C9orf85: variants seen among roughly 807,000 people sequenced by gnomAD.
The protein encoded by C9orf85 is uncharacterized protein C9orf85.
C9orf85 carries 16 observed loss-of-function variants against 14.9 expected under a neutral mutation model. The observed-to-expected ratio is 1.08, with a 90% CI of 0.73 to 1.63. C9orf85 has a LOEUF of 1.63. Among genes scored for constraint, C9orf85 ranks in the 40% most tolerant of loss-of-function variants. C9orf85 has a pLI of 0.00. For missense variants in C9orf85, 172 were observed against 186.1 expected (o/e 0.92, Z 0.44); for synonymous variants, 45 against 56.8 (o/e 0.79, Z 0.93).
intron 2 of C9orf85, among the ~76,000 whole-genome samples, chr9:71,947,380 G>A (rs1370621856): frequency 6.6e-6 from 1 of 152,014 alleles, no homozygotes; most frequent in Non-Finnish European, 1.5e-5. Context: ...GGTGGGTTAG[G>A]GCTGAGAAGA....
At chr9:71,955,192 G>T (rs2132325339) in intron 2 of C9orf85, among the ~76,000 whole-genome samples, 1 of 152,166 alleles carries the variant, frequency 6.6e-6, no homozygotes, top group Middle Eastern at 3.4e-3. Flanking sequence ...TTGTATTATT[G>T]TATGTGTCTA....
chr9:71,959,955 T>C (rs1009898960), intron 2 of C9orf85, among the ~76,000 whole-genome samples: 7 of 152,230 alleles, frequency 4.6e-5, no homozygotes, highest in African/African-American at 1.7e-4. Context: ...AGACACTGTG[T>C]TGTATGTCAA....
intron 2 of C9orf85, among the ~76,000 whole-genome samples, chr9:71,962,956 T>G (rs1822560884): frequency 6.6e-6 from 1 of 152,006 alleles, no homozygotes; most frequent in African/African-American, 2.4e-5. Flanking sequence ...CTCGGGAGGC[T>G]GAGGCACGAT....
chr9:71,911,766 C>T lies in C9orf85; in HGVS notation c.32C>T (p.Ser11Phe), dbSNP rs767438531. 1.9e-6 allele frequency: 3 copies of T among 1,614,106 alleles called. No individual in the cohort carries two copies. The highest frequency in any genetic ancestry group is 2.2e-5 in the East Asian group (1 of 44,882). MSSQKGNVARSRPQKHQNTFS... is the reference protein window; with the variant it reads MSSQKGNVARFRPQKHQNTFS... The stretch of plus-strand genomic sequence containing the variant: ...TCCCAGAAAGGCAACGTGGCTCGTT[C>T]CAGACCTCAGAAGCACCAGAATACG... The change falls in exon 1 of 4, where the codon TCC (serine) becomes TTC (phenylalanine). Residue 11 changes from serine to phenylalanine, a missense_variant. By Grantham distance (155) the Ser-to-Phe change is radical. Coordinates refer to ENST00000334731, the MANE Select transcript of C9orf85 (RefSeq NM_182505.5).
chr9:71,955,925 T>C (rs541109073), intron 2 of C9orf85, among the ~76,000 whole-genome samples: 94 of 152,318 alleles, frequency 6.2e-4, no homozygotes, highest in African/African-American at 2.3e-3. Flanking sequence ...AATGGCTAAT[T>C]TTTATAGTCC....
At chr9:71,974,224 G>A (rs1240915233), downstream of C9orf85, among the ~76,000 whole-genome samples, 1 of 146,032 alleles carries the variant, frequency 6.8e-6, no homozygotes, top group Non-Finnish European at 1.5e-5. Context: ...ACCATGCCAG[G>A]CCATATTTTT....
chr9:71,957,135 A>C (rs1822400343), intron 2 of C9orf85, among the ~76,000 whole-genome samples: 1 of 152,218 alleles, frequency 6.6e-6, no homozygotes, highest in South Asian at 2.1e-4. Flanking sequence ...CTATAGTTTT[A>C]TGTTTACCAC....
At chr9:71,922,284 T>A (rs896893710) in intron 1 of C9orf85, among the ~76,000 whole-genome samples, 15 of 152,108 alleles carry the variant, frequency 9.9e-5, no homozygotes, top group African/African-American at 2.9e-4. Context: ...TCATTATTAC[T>A]TTTCCCTATT....
chr9:71,985,136 G>C (rs970914807), downstream of C9orf85: 1 of 152,234 alleles, frequency 6.6e-6, no homozygotes, highest in African/African-American at 2.4e-5. Context: ...TTATGGAAAA[G>C]AGTTACCTCA....
intron 1 of C9orf85, among the ~76,000 whole-genome samples, chr9:71,941,603 A>T (rs1331387208): frequency 6.6e-6 from 1 of 152,224 alleles, no homozygotes; most frequent in Admixed American, 6.5e-5. Flanking sequence ...CTTGCTTGTT[A>T]CTTTCAAAAA....
At chr9:71,964,041 C>T (rs889928066) in intron 2 of C9orf85, among the ~76,000 whole-genome samples, 1 of 151,858 alleles carries the variant, frequency 6.6e-6, no homozygotes, top group African/African-American at 2.4e-5. Context: ...ATGTCTAGCT[C>T]AGGGATTGTA....
chr9:71,917,328 T>C (rs913548119), intron 1 of C9orf85, among the ~76,000 whole-genome samples: 6 of 152,086 alleles, frequency 3.9e-5, no homozygotes, highest in African/African-American at 1.4e-4. Flanking sequence ...TGTGGGCTGG[T>C]TGGGGTGGAT....
chr9:71,969,777 C>T (rs1286882565), intron 2 of C9orf85, among the ~76,000 whole-genome samples: 1 of 151,976 alleles, frequency 6.6e-6, no homozygotes, highest in African/African-American at 2.4e-5. Flanking sequence ...CATTGTCATT[C>T]AATCAAAATA....
At chr9:71,971,673 T>C in intron 3 of C9orf85, 55 bp downstream of exon 3, 2 of 1,243,540 alleles carry the variant, frequency 1.6e-6, no homozygotes, top group Admixed American at 1.7e-5. Flanking sequence ...TACATGAATT[T>C]CTTTTAAGAG....
At chr9:71,969,961 T>G (rs1822814294) in intron 2 of C9orf85, among the ~76,000 whole-genome samples, 1 of 151,794 alleles carries the variant, frequency 6.6e-6, no homozygotes, top group Non-Finnish European at 1.5e-5. Context: ...CTTTTTTTTT[T>G]CATACAAAGT....
intron 2 of C9orf85, among the ~76,000 whole-genome samples, chr9:71,955,536 C>T (rs1013258596): frequency 1.2e-4 from 19 of 152,128 alleles, no homozygotes; most frequent in African/African-American, 4.6e-4. Flanking sequence ...GGATTGGTTA[C>T]AGCTTGGCAT....
intron 3 of C9orf85, among the ~76,000 whole-genome samples, chr9:71,981,245 T>A (rs1823090478): frequency 6.6e-6 from 1 of 152,228 alleles, no homozygotes; most frequent in Admixed American, 6.5e-5. Flanking sequence ...CTCCATAGTA[T>A]GCTTGGACCA....
At chr9:71,931,659 T>A (rs983101237) in intron 1 of C9orf85, among the ~76,000 whole-genome samples, 1 of 152,166 alleles carries the variant, frequency 6.6e-6, no homozygotes, top group Non-Finnish European at 1.5e-5. Flanking sequence ...TTTCTTCCTA[T>A]ATAAGATAGG....
At chr9:71,977,355 C>G (rs1001005870), downstream of C9orf85, among the ~76,000 whole-genome samples, 7 of 151,098 alleles carry the variant, frequency 4.6e-5, no homozygotes, top group Admixed American at 4.6e-4. Context: ...TTTTATAGCA[C>G]TTACGTGCTA....
Sources: gnomAD v4.1 joint callset for allele counts (sites outside exome capture counted in the v4.1 genomes callset) on GRCh38, gnomAD v4.1.1 for gene constraint, MANE v1.5 for transcripts, NCBI Gene and HGNC (gene_info 2026-07-23, HGNC 2026-07-21) for gene names.